The following PODN variants were observed in gnomAD, a reference collection of about 807,000 sequenced individuals.
PODN encodes the protein podocan proteoglycan.
In PODN, 40 loss-of-function variants were observed where a neutral mutation model predicts 52.7. The observed-to-expected ratio is 0.76, with a 90% CI of 0.59 to 0.99. The LOEUF (loss-of-function observed/expected upper bound fraction) is 0.99. PODN is among the 50% of genes least tolerant of loss of function. PODN has a pLI of 0.00. For missense variants in PODN, 720 were observed against 815.1 expected (o/e 0.88, Z 1.42); for synonymous variants, 396 against 377.9 (o/e 1.05, Z -0.56).
intron 1 of PODN, among the ~76,000 whole-genome samples, chr1:53,067,776 CA>C (rs1644053876): frequency 6.6e-6 from 1 of 152,050 alleles, no homozygotes; most frequent in African/African-American, 2.4e-5. Context: ...ATTTGGCTGG[CA>C]CGGTTGTGAC....
rs1644305562 is a variant in PODN at position 53,082,132 on chromosome 1, G to A, written c.1813G>A (p.Glu605Lys). 1 of 1,612,582 alleles carries A rather than the reference G, an allele frequency of 6.2e-7. No homozygotes were observed. Among genetic ancestry groups the A allele is most frequent in the Middle Eastern group, 1.7e-4 (1 of 6,042 alleles). Reference sequence around the variant, plus strand: ...GAAGGAAAAGGAGGAGGAGGAAGAGGAGGAGGAGGAGGAAGAGGAAACAAG... The same window carrying A: ...GAAGGAAAAGGAGGAGGAGGAAGAGAAGGAGGAGGAGGAAGAGGAAACAAG... ...LGKEKEEEEE[E>K]EEEEEETR The change falls in exon 10 of 11, where the codon GAG becomes AAG. Residue 605 changes from glutamate (E) to lysine (K), a missense_variant. Coordinates refer to ENST00000312553, the MANE Select transcript of PODN (RefSeq NM_153703.5).
In PODN at chr1:53,078,699, CG is replaced by C. The variant is rs1557656317; in HGVS notation, c.1190del (p.Arg397ProfsTer60). 2 of 1,613,264 alleles carry C rather than the reference CG, an allele frequency of 1.2e-6. No individual in the cohort carries two copies. Among genetic ancestry groups the C allele is most frequent in the Non-Finnish European group, 1.7e-6 (2 of 1,179,992 alleles). On this transcript the variant is annotated frameshift_variant, in exon 8 of 11. Transcript: ENST00000312553. LOFTEE classifies it high-confidence loss of function. ...ILHNQITGIG[R>X]EDFATTYFLE... ...GCACAACCAGATCACAGGCATTGGCCGCGAAGACTTTGCCACCACCTACTTC... is the reference window on the plus strand; with the variant it reads ...GCACAACCAGATCACAGGCATTGGCCCGAAGACTTTGCCACCACCTACTTC...
chr1:53,082,346 T>C (rs958194757), intron 10 of PODN, among the ~76,000 whole-genome samples, 158 bp downstream of exon 10: 2 of 152,084 alleles, frequency 1.3e-5, no homozygotes, highest in Admixed American at 1.3e-4. Context: ...TACCAGGCCG[T>C]GGGTGAAAGG....
At position 53,074,685 on chromosome 1, in the gene PODN, G is replaced by A. The variant is rs1449565028; in HGVS notation, c.471+15G>A. 2 of 1,613,368 alleles carry A rather than the reference G, an allele frequency of 1.2e-6. No individual in the cohort carries two copies. The highest frequency in any genetic ancestry group is 1.7e-5 in the Admixed American group (1 of 60,012). On this transcript the variant is annotated intron_variant, in intron 4 of 10. Coordinates refer to ENST00000312553, the MANE Select transcript of PODN (RefSeq NM_153703.5). ...CCAATAACAAGGTGAGGGGCTTGAGGCAGGGTGGGGGGTTGCTGCCCTGTC... is the reference window on the plus strand; with the variant it reads ...CCAATAACAAGGTGAGGGGCTTGAGACAGGGTGGGGGGTTGCTGCCCTGTC...
Position 53,075,900 on chromosome 1 carries a change from C to A in PODN, c.510C>A (p.Ile170=), listed in dbSNP as rs1410682291. The A allele has an allele frequency of 6.2e-7, 1 of 1,606,492 alleles. No homozygotes were observed. The highest frequency in any genetic ancestry group is 2.2e-5 in the East Asian group (1 of 44,822). The change falls in exon 5 of 11, where the codon ATC becomes ATA. Residue 170 remains isoleucine (I), a synonymous_variant. Coordinates refer to ENST00000312553, the MANE Select transcript of PODN (RefSeq NM_153703.5). ...LAPRFLPNAL[I]SVDFAANYLT... is the part of the protein sequence containing the mutation. ...CCCGCTTCCTGCCAAACGCCCTGAT[C>A]AGTGTGGACTTTGCTGCCAACTATC...
chr1:53,069,632 T>C (rs1015551285), intron 1 of PODN, among the ~76,000 whole-genome samples, 169 bp from the exon 2 acceptor site: 3 of 152,206 alleles, frequency 2.0e-5, no homozygotes, highest in African/African-American at 7.2e-5. Flanking sequence ...GGGCTTTACC[T>C]CGTCCCCCGC....
chr1:53,074,812 G>A (rs1201691411), intron 4 of PODN, 142 bp downstream of exon 4: 3 of 480,970 alleles, frequency 6.2e-6, no homozygotes, highest in Admixed American at 2.4e-5. Flanking sequence ...CTGGGTCGGG[G>A]GTGGGGGAGA....
intron 10 of PODN, among the ~76,000 whole-genome samples, chr1:53,082,566 G>A (rs1372392664): frequency 6.6e-6 from 1 of 152,154 alleles, no homozygotes; most frequent in African/African-American, 2.4e-5. Flanking sequence ...AGTGAGTGAG[G>A]GGGGCAGGTG....
chr1:53,077,081 G>A (rs1310534699), intron 5 of PODN, 109 bp from the exon 6 acceptor site: 1 of 1,371,808 alleles, frequency 7.3e-7, no homozygotes, highest in Admixed American at 2.0e-5. Flanking sequence ...GTACCCTTGA[G>A]TTTGGATGGA....
Position 53,081,998 on chromosome 1 carries a change from T to C in PODN, c.1679T>C (p.Val560Ala). The change falls in exon 10 of 11, where the codon GTG (valine) becomes GCG (alanine). Residue 560 changes from valine (V) to alanine (A), a missense_variant. Val to Ala is a moderately conservative substitution (Grantham distance 64). Transcript: ENST00000312553. ...GIFLRFNKLA[V>A]GSVVDSAFRR... is the part of the protein sequence containing the mutation. ...TCACACAGGTTTAACAAGCTGGCTG[T>C]GGGCTCCGTGGTGGACAGTGCCTTC... is the stretch of plus-strand genomic sequence containing the variant. 1 of 1,603,902 alleles carries C rather than the reference T, an allele frequency of 6.2e-7. No individual in the cohort carries two copies. The highest frequency in any genetic ancestry group is 2.3e-5 in the East Asian group (1 of 44,086).
At position 53,084,547 on chromosome 1, in the gene PODN, C is replaced by CAG; in HGVS notation, c.*62_*63insAG. 1 of 152,466 alleles carries CAG rather than the reference C, an allele frequency of 6.6e-6. No individual in the cohort carries two copies. Among genetic ancestry groups the CAG allele is most frequent in the Non-Finnish European group, 1.5e-5 (1 of 68,172 alleles). 9.4% of individuals were successfully genotyped at this position (152,466 alleles called of 1,614,324 possible). On this transcript the variant is annotated 3_prime_UTR_variant, in exon 11 of 11. Transcript: ENST00000312553. ...CCGCCGGACTCTTTTCTGCAGCACA[C>CAG]GCCTGTGTGCTGTGAGCCCCCCACT...
rs1467315781 is a variant in PODN, at chr1:53,078,427, G to C, written c.917G>C (p.Gly306Ala). Residue 306 changes from glycine to alanine, a missense_variant, in exon 8 of 11, where the codon GGG becomes GCG. Coordinates refer to ENST00000312553, the MANE Select transcript of PODN (RefSeq NM_153703.5). ...SSNNLSRVPA[G>A]LPRSLVLLHL... ...AACAACCTGTCTCGGGTCCCAGCTG[G>C]GCTGCCGCGCAGCCTGGTGCTGCTG... is the stretch of plus-strand genomic sequence containing the variant. The C allele has an allele frequency of 4.3e-6, 7 of 1,613,410 alleles. No homozygotes were observed. The highest frequency in any genetic ancestry group is 5.9e-6 in the Non-Finnish European group (7 of 1,180,036).
Position 53,070,025 on chromosome 1 carries a change from A to G in PODN, c.170A>G (p.Glu57Gly). ...EEEPVLVLSP[E>G]EPGPGPAAVS... ...GAGCCGGTGCTGGTACTGAGCCCTG[A>G]GGAGCCCGGGCCTGGCCCAGCCGCG... is the stretch of plus-strand genomic sequence containing the variant. The change falls in exon 2 of 11, where the codon GAG becomes GGG. Residue 57 changes from glutamate to glycine, a missense_variant. By Grantham distance (98) the Glu-to-Gly change is moderately conservative. Transcript: ENST00000312553. The G allele has an allele frequency of 6.2e-7, 1 of 1,612,888 alleles. No individual in the cohort carries two copies. Among genetic ancestry groups the G allele is most frequent in the Non-Finnish European group, 8.5e-7 (1 of 1,179,934 alleles).
At chr1:53,064,584 C>G (rs145215277) in intron 1 of PODN, among the ~76,000 whole-genome samples, 1 of 152,268 alleles carries the variant, frequency 6.6e-6, no homozygotes, top group Admixed American at 6.5e-5. Context: ...ATTTGGGGCT[C>G]CCTTTCCCTT....
intron 1 of PODN, among the ~76,000 whole-genome samples, chr1:53,063,099 G>T (rs1643983088): frequency 6.6e-6 from 1 of 152,240 alleles, no homozygotes; most frequent in South Asian, 2.1e-4. Flanking sequence ...TGGGGCGGGG[G>T]ACGAGATCTT....
intron 9 of PODN, among the ~76,000 whole-genome samples, chr1:53,081,432 C>T (rs1644293874): frequency 6.6e-6 from 1 of 152,234 alleles, no homozygotes; most frequent in Non-Finnish European, 1.5e-5. Context: ...CTCGGTTGCC[C>T]AGAAAGCCCT....
intron 1 of PODN, chr1:53,066,982 C>A (rs1644043501): frequency 6.6e-6 from 7 of 1,066,914 alleles, no homozygotes; most frequent in Non-Finnish European, 9.6e-6. Context: ...GCTCTTAGAA[C>A]CCCGGACTAC....
intron 1 of PODN, among the ~76,000 whole-genome samples, chr1:53,069,216 T>C (rs2150294151): frequency 6.6e-6 from 1 of 152,312 alleles, no homozygotes; most frequent in South Asian, 2.1e-4. Context: ...AGCACTGGAA[T>C]TGGTTCCCAG....
intron 1 of PODN, chr1:53,063,697 CAG>C (rs1643993104): frequency 6.1e-6 from 3 of 489,206 alleles, no homozygotes; most frequent in Non-Finnish European, 8.0e-6. Flanking sequence ...TAAGAAATGT[CAG>C]AGTCACACGA....
Sources: gnomAD v4.1 joint callset for allele counts (sites outside exome capture counted in the v4.1 genomes callset) on GRCh38, gnomAD v4.1.1 for gene constraint, MANE v1.5 for transcripts, NCBI Gene and HGNC (gene_info 2026-07-23, HGNC 2026-07-21) for gene names.